PDE4D: variants seen among roughly 807,000 people sequenced by gnomAD.
PDE4D encodes the protein phosphodiesterase 4D.
Under a neutral mutation model 87.4 loss-of-function variants are expected in PDE4D, and 24 were observed. That is an observed-to-expected ratio of 0.27 (90% CI 0.20 to 0.39). The LOEUF (loss-of-function observed/expected upper bound fraction) is 0.39. Ranked by LOEUF, PDE4D falls within the 10% of genes least tolerant of loss-of-function variation. The probability of loss-of-function intolerance (pLI) is 1.00; values close to 1 mark genes in which losing one functional copy is unlikely to be tolerated. For missense variants in PDE4D, 714 were observed against 1,041.0 expected (o/e 0.69, Z 4.32); for synonymous variants, 384 against 383.2 (o/e 1.00, Z -0.02).
At chr5:59,198,640 C>A (rs995696608) in intron 2 of PDE4D, among the ~76,000 whole-genome samples, 3 of 152,178 alleles carry the variant, frequency 2.0e-5, no homozygotes, top group Admixed American at 6.6e-5. Context: ...CTGTTGAAAG[C>A]AGGAGAATAC....
rs150555354 is a variant in PDE4D, at chr5:59,049,396, T to C, written c.809-10425A>G. On this transcript the variant is annotated intron_variant, in intron 5 of 14. Coordinates refer to ENST00000340635, the MANE Select transcript of PDE4D (RefSeq NM_001104631.2). ...ACCCTCGTCTATCTCTTGTTCTCAG[T>C]CTTTTGCTTTCAAACTCTTTCTCTT... Among the ~76,000 whole-genome samples the C allele has an allele frequency of 1.8e-3, 278 of 152,290 alleles. 1 individual carries two copies. Among genetic ancestry groups the C allele is most frequent in the African/African-American group, 6.3e-3 (261 of 41,548 alleles).
intron 1 of PDE4D, among the ~76,000 whole-genome samples, chr5:59,539,617 G>A (rs964212642): frequency 2.6e-5 from 4 of 152,100 alleles, no homozygotes; most frequent in African/African-American, 7.2e-5. Context: ...AAGAATATAT[G>A]TCTAGAGAGA....
rs193167765 is a variant in PDE4D at position 59,616,825 on chromosome 5, G to T, written c.455+276343C>A. Among the ~76,000 whole-genome samples, 3 of 148,212 alleles carry T rather than the reference G, an allele frequency of 2.0e-5. No homozygotes were observed. The East Asian group carries it at 6.0e-4, about 30-fold the overall frequency. On this transcript the variant is annotated intron_variant, in intron 1 of 14. Transcript: ENST00000340635. The stretch of plus-strand genomic sequence containing the variant: ...ATTTCAAGAGCTAAAATAAGTGTGG[G>T]AAAGGATATCTATATATATCTATAC...
chr5:60,027,632 A>G (rs1016494424), intron 2 of PDE4D, among the ~76,000 whole-genome samples: 1 of 152,208 alleles, frequency 6.6e-6, no homozygotes, highest in Admixed American at 6.5e-5. Context: ...TGTAAGCGTC[A>G]TCACAGGCTT....
At chr5:59,880,259 G>A (rs1454522978) in intron 1 of PDE4D, among the ~76,000 whole-genome samples, 2 of 151,568 alleles carry the variant, frequency 1.3e-5, no homozygotes, top group Admixed American at 6.6e-5. Flanking sequence ...AGAGGTGCAC[G>A]CCACCACACC....
At chr5:60,074,790 T>C (rs1219596854) in intron 2 of PDE4D, among the ~76,000 whole-genome samples, 1 of 151,406 alleles carries the variant, frequency 6.6e-6, no homozygotes. Flanking sequence ...GCTTCGTTAG[T>C]TTAAAGTCTG....
At chr5:59,345,746 C>T (rs764347171) in intron 1 of PDE4D, among the ~76,000 whole-genome samples, 6 of 152,162 alleles carry the variant, frequency 3.9e-5, no homozygotes, top group South Asian at 2.1e-4. Flanking sequence ...TGAAACATCA[C>T]TTTGGGGGCG....
At chr5:59,058,914 A>C (rs770909957) in intron 5 of PDE4D, among the ~76,000 whole-genome samples, 45 of 152,154 alleles carry the variant, frequency 3.0e-4, no homozygotes, top group Non-Finnish European at 6.2e-4. Context: ...TGAAAACTCT[A>C]ATCTAGTAAT....
chr5:60,291,664 T>C (rs1752907479), intron 1 of PDE4D, among the ~76,000 whole-genome samples: 1 of 151,642 alleles, frequency 6.6e-6, no homozygotes. Flanking sequence ...ACTAAAACAA[T>C]GAGATTCTAT....
chr5:60,365,625 C>G (rs1006426096), intron 1 of PDE4D, among the ~76,000 whole-genome samples: 5 of 152,132 alleles, frequency 3.3e-5, no homozygotes, highest in African/African-American at 7.2e-5. Flanking sequence ...TTTCCCTGAA[C>G]AGCAAAGGCT....
chr5:59,276,007 C>G (rs1277214976), intron 1 of PDE4D: 2 of 984,558 alleles, frequency 2.0e-6, no homozygotes, highest in African/African-American at 3.5e-5. Context: ...TGCTTAGAAT[C>G]CAGGGTTTTG....
At chr5:59,404,469 G>A (rs1255339202) in intron 1 of PDE4D, among the ~76,000 whole-genome samples, 2 of 151,936 alleles carry the variant, frequency 1.3e-5, no homozygotes, top group African/African-American at 2.4e-5. Flanking sequence ...GACCAACCTG[G>A]CCAACATGGC....
intron 2 of PDE4D, among the ~76,000 whole-genome samples, chr5:60,155,116 C>T (rs1362044119): frequency 2.0e-5 from 3 of 152,134 alleles, no homozygotes; most frequent in African/African-American, 7.2e-5. Flanking sequence ...ACATCTAGGA[C>T]TAGAATTACT....
chr5:59,873,514 A>T (rs1748122748), intron 1 of PDE4D, among the ~76,000 whole-genome samples: 1 of 152,226 alleles, frequency 6.6e-6, no homozygotes, highest in Admixed American at 6.5e-5. Flanking sequence ...TTCCTTCTCC[A>T]AGGCTTAAAA....
intron 1 of PDE4D, among the ~76,000 whole-genome samples, chr5:60,243,989 G>A (rs180784054): frequency 1.7e-4 from 26 of 151,862 alleles, no homozygotes; most frequent in African/African-American, 5.3e-4. Flanking sequence ...CAGGGTATCC[G>A]AATTAGAAAG....
chr5:59,106,058 A>G (rs2153435887), intron 5 of PDE4D, among the ~76,000 whole-genome samples: 1 of 152,366 alleles, frequency 6.6e-6, no homozygotes, highest in Non-Finnish European at 1.5e-5. Context: ...AAGTAAACAG[A>G]TTTACAACTA....
At position 59,587,606 on chromosome 5, in the gene PDE4D, T is replaced by C. The variant is rs114763093; in HGVS notation, c.455+305562A>G. Reference sequence around the variant, plus strand: ...CAGCTCAGGACACTTGCAGGCTCCGTGGTACTGTACATTAACTCTGCAGCA... The same window carrying C: ...CAGCTCAGGACACTTGCAGGCTCCGCGGTACTGTACATTAACTCTGCAGCA... On this transcript the variant is annotated intron_variant, in intron 1 of 14. Transcript: ENST00000340635. 4,107 of 985,386 alleles carry C rather than the reference T, an allele frequency of 4.2e-3. 128 individuals carry two copies. The African/African-American group carries it at 0.067, about 16-fold the overall frequency. 61.0% of individuals were successfully genotyped at this position (985,386 alleles called of 1,614,324 possible).
chr5:59,572,848 C>T (rs1364028910), intron 1 of PDE4D, among the ~76,000 whole-genome samples: 4 of 152,174 alleles, frequency 2.6e-5, no homozygotes, highest in Admixed American at 2.6e-4. Flanking sequence ...ATACTACAAT[C>T]TTCCACAGAA....
intron 2 of PDE4D, among the ~76,000 whole-genome samples, chr5:60,035,273 G>A (rs2152862926): frequency 6.7e-6 from 1 of 150,142 alleles, no homozygotes. Context: ...AAAAAAAAGG[G>A]CATACTTGTG....
Sources: allele counts gnomAD v4.1 joint callset (sites outside exome capture counted in the v4.1 genomes callset), GRCh38; gene constraint gnomAD v4.1.1; transcripts MANE v1.5; gene names NCBI Gene and HGNC (gene_info 2026-07-23, HGNC 2026-07-21).